Variants in TOPAZ1 observed in about 807,000 individuals in gnomAD.
TOPAZ1 encodes the protein testis and ovary specific TOPAZ 1, also known as protein TOPAZ1.
Under a neutral mutation model 172.2 loss-of-function variants are expected in TOPAZ1, and 66 were observed. The observed-to-expected ratio is 0.38, with a 90% CI of 0.31 to 0.47. The LOEUF (loss-of-function observed/expected upper bound fraction) is 0.47, where lower values mean the gene tolerates loss of function less well. TOPAZ1 is among the 20% of genes least tolerant of loss of function. The probability of loss-of-function intolerance (pLI) is 0.99; values close to 1 mark genes in which losing one functional copy is unlikely to be tolerated. For missense variants in TOPAZ1, 1,822 were observed against 1,972.4 expected, an observed-to-expected ratio of 0.92 and a Z score of 1.44; for synonymous variants, 681 against 683.9, an observed-to-expected ratio of 1.00 and a Z score of 0.07.
rs1699543165 is a variant in TOPAZ1, at chr3:44,244,866, C to T, written c.2360C>T (p.Ser787Phe). The change falls in exon 2 of 20, where the codon TCT becomes TTT. Residue 787 changes from serine (S) to phenylalanine (F), a missense_variant. Coordinates refer to ENST00000309765, the MANE Select transcript of TOPAZ1 (RefSeq NM_001145030.2). ...AATAGCAAACCATCTAATCACGTCT[C>T]TGAACCAGGCAATATTGTTTCTAAT... ...GNNSKPSNHVSEPGNIVSNKE... is the reference protein window; with the variant it reads ...GNNSKPSNHVFEPGNIVSNKE... The T allele has an allele frequency of 6.4e-7, 1 of 1,551,716 alleles. No individual in the cohort carries two copies. Among genetic ancestry groups the T allele is most frequent in the Non-Finnish European group, 8.7e-7 (1 of 1,147,008 alleles).
chr3:44,305,070 C>T, intron 13 of TOPAZ1, 77 bp from the exon 14 acceptor site: 1 of 1,073,728 alleles, frequency 9.3e-7, no homozygotes, highest in Non-Finnish European at 1.3e-6. Context: ...ACATGCTTTG[C>T]CCTAAAGACA....
At chr3:44,272,324 A>G (rs570271779) in intron 8 of TOPAZ1, among the ~76,000 whole-genome samples, 23 of 152,290 alleles carry the variant, frequency 1.5e-4, no homozygotes, top group Admixed American at 1.4e-3. Flanking sequence ...ATGACCATAC[A>G]GTTTTCTATA....
chr3:44,277,819 G>C (rs958268325), intron 8 of TOPAZ1, among the ~76,000 whole-genome samples: 8 of 152,108 alleles, frequency 5.3e-5, no homozygotes, highest in Admixed American at 3.3e-4. Context: ...TCTTGTTCCT[G>C]CTTTCACCAT....
At chr3:44,329,732 C>T (rs961579022) in intron 19 of TOPAZ1, among the ~76,000 whole-genome samples, 5 of 152,128 alleles carry the variant, frequency 3.3e-5, no homozygotes, top group African/African-American at 4.8e-5. Flanking sequence ...CATAGATGGG[C>T]CTACATGGAT....
intron 8 of TOPAZ1, among the ~76,000 whole-genome samples, chr3:44,280,570 A>T (rs540816151): frequency 6.6e-6 from 1 of 151,458 alleles, no homozygotes; most frequent in Non-Finnish European, 1.5e-5. Context: ...CTGGTCTCGA[A>T]CTCCTAGACT....
intron 19 of TOPAZ1, among the ~76,000 whole-genome samples, chr3:44,330,908 TAAGG>T (rs1700660582): frequency 6.6e-6 from 1 of 152,214 alleles, no homozygotes; most frequent in South Asian, 2.1e-4. Flanking sequence ...TTCTGGCACT[TAAGG>T]AAGCACCTTA....
chr3:44,245,831 A>G (rs983215774), intron 2 of TOPAZ1, among the ~76,000 whole-genome samples: 1 of 151,962 alleles, frequency 6.6e-6, no homozygotes, highest in Admixed American at 6.6e-5. Flanking sequence ...GAGCCACCGC[A>G]CCCAGCCCAT....
chr3:44,328,487 C>A, intron 19 of TOPAZ1, 54 bp downstream of exon 19: 2 of 993,166 alleles, frequency 2.0e-6, no homozygotes, highest in Non-Finnish European at 2.9e-6. Context: ...ACTCCCCACA[C>A]CCACCCTAAG....
In TOPAZ1 at chr3:44,245,154, C is replaced by T; in HGVS notation, c.2648C>T (p.Ser883Leu). Residue 883 changes from serine to leucine, a missense_variant, in exon 2 of 20, where the codon TCA becomes TTA. Physicochemically the swap from Ser to Leu is moderately radical, Grantham distance 145 (BLOSUM62 -2). Around this residue, in one of 2 missense-constraint regions of TOPAZ1, gnomAD observed 1,489 missense variants for 1,490.8 expected, o/e 1.00. Transcript: ENST00000309765. ...GGAGTCTCCAATGAAGGGGAGCTCT[C>T]ATTTACTTCTGAGGTCCCAAAGATA... Reference protein sequence around the residue: ...LFGVSNEGELSFTSEVPKISQ... With the variant: ...LFGVSNEGELLFTSEVPKISQ... The T allele has an allele frequency of 6.4e-7, 1 of 1,552,004 alleles. No homozygotes were observed. The highest frequency in any genetic ancestry group is 8.7e-7 in the Non-Finnish European group (1 of 1,147,050).
intron 19 of TOPAZ1, 67 bp downstream of exon 19, chr3:44,328,500 G>A (rs1052133036): frequency 2.3e-6 from 2 of 878,494 alleles, no homozygotes; most frequent in African/African-American, 3.6e-5. Flanking sequence ...ACCCTAAGAT[G>A]TAAATGTTTT....
chr3:44,296,277 A>C (rs1200965580), intron 12 of TOPAZ1, among the ~76,000 whole-genome samples: 1 of 152,200 alleles, frequency 6.6e-6, no homozygotes, highest in Non-Finnish European at 1.5e-5. Context: ...GAAAAATAAG[A>C]GCAAAATAAA....
In TOPAZ1 at chr3:44,241,951, G is replaced by T; in HGVS notation, c.-103G>T. The T allele has an allele frequency of 6.4e-6, 7 of 1,094,474 alleles. No homozygotes were observed. Among genetic ancestry groups the T allele is most frequent in the Non-Finnish European group, 9.1e-6 (7 of 773,342 alleles). 67.8% of individuals were successfully genotyped at this position (1,094,474 alleles called of 1,614,324 possible). A position where few individuals can be genotyped will look rare whatever the true frequency, so the allele number is the denominator to read the frequency against. ...CTGTGGTGACTGGCGGTGTGGGGTG[G>T]GTCAGAGGGCAGTAGGTACCTCCAG... On this transcript the variant is annotated 5_prime_UTR_variant, in exon 1 of 20. Coordinates refer to ENST00000309765, the MANE Select transcript of TOPAZ1 (RefSeq NM_001145030.2).
At chr3:44,297,623 A>G (rs1700214231) in intron 12 of TOPAZ1, among the ~76,000 whole-genome samples, 2 of 152,208 alleles carry the variant, frequency 1.3e-5, no homozygotes, top group South Asian at 4.1e-4. Flanking sequence ...ACATACTATG[A>G]TAAATCTTAG....
chr3:44,320,657 A>T (rs2125704763), intron 16 of TOPAZ1, among the ~76,000 whole-genome samples: 1 of 152,306 alleles, frequency 6.6e-6, no homozygotes, highest in East Asian at 1.9e-4. Context: ...AACTAATTAA[A>T]TTATTTATTG....
chr3:44,256,882 C>T (rs770337706), intron 4 of TOPAZ1, among the ~76,000 whole-genome samples: 3 of 152,134 alleles, frequency 2.0e-5, no homozygotes, highest in East Asian at 1.9e-4. Flanking sequence ...GATTGACTTA[C>T]GGGACATATG....
intron 9 of TOPAZ1, among the ~76,000 whole-genome samples, chr3:44,286,411 G>A (rs2125692668): frequency 6.6e-6 from 1 of 152,220 alleles, no homozygotes; most frequent in South Asian, 2.1e-4. Flanking sequence ...TATAAATACT[G>A]CCAAAAGTAT....
chr3:44,242,344 G>A lies in TOPAZ1; in HGVS notation c.291G>A (p.Pro97=). The stretch of plus-strand genomic sequence containing the variant: ...TGAGCCCGTCAGACTCGTCAGACCC[G>A]CGAGGCCTAGAAGCAGCAAAGGAGG... ...GPVSPSDSSD[P]RGLEAAKEAE... Residue 97 remains proline, a synonymous_variant, in exon 1 of 20, where the codon CCG becomes CCA. Coordinates refer to ENST00000309765, the MANE Select transcript of TOPAZ1 (RefSeq NM_001145030.2). 6 of 1,552,336 alleles carry A rather than the reference G, an allele frequency of 3.9e-6. No homozygotes were observed. The highest frequency in any genetic ancestry group is 5.2e-6 in the Non-Finnish European group (6 of 1,147,134).
chr3:44,255,936 A>G (rs1227533023), intron 3 of TOPAZ1, among the ~76,000 whole-genome samples: 1 of 151,636 alleles, frequency 6.6e-6, no homozygotes, highest in Non-Finnish European at 1.5e-5. Context: ...ATGATCAAGA[A>G]AAATTCTTAA....
intron 16 of TOPAZ1, among the ~76,000 whole-genome samples, chr3:44,320,403 C>G (rs889454489): frequency 6.6e-5 from 10 of 152,142 alleles, no homozygotes; most frequent in African/African-American, 2.2e-4. Context: ...CGAGACTGTC[C>G]TGGCTGACAC....
Sources: allele counts gnomAD v4.1 joint callset (sites outside exome capture counted in the v4.1 genomes callset), GRCh38; gene constraint gnomAD v4.1.1; regional missense constraint gnomAD v4.1.1; transcripts MANE v1.5; gene names NCBI Gene and HGNC (gene_info 2026-07-23, HGNC 2026-07-21).